TCERG1: variants seen among roughly 807,000 people sequenced by gnomAD.
The protein encoded by TCERG1 is transcription elongation regulator 1, also known as TATA box binding protein (TBP)-associated factor, RNA polymerase II, S, 150kD.
In TCERG1, 37 loss-of-function variants were observed where a neutral mutation model predicts 144.7. That is an observed-to-expected ratio of 0.26 (90% CI 0.20 to 0.34). The LOEUF (loss-of-function observed/expected upper bound fraction) is 0.34. Among genes scored for constraint, TCERG1 ranks in the 10% least tolerant of loss-of-function variants. The pLI is 1.00. For missense variants in TCERG1, 1,027 were observed against 1,380.7 expected (o/e 0.74, Z 4.06); for synonymous variants, 492 against 458.2 (o/e 1.07, Z -0.94).
intron 15 of TCERG1, among the ~76,000 whole-genome samples, chr5:146,488,483 A>G (rs1766071645): frequency 6.6e-6 from 1 of 152,214 alleles, no homozygotes; most frequent in African/African-American, 2.4e-5. Context: ...AAAATGCTCA[A>G]CATCACTAAT....
At position 146,503,356 on chromosome 5, in the gene TCERG1, T is replaced by TTA. The variant is rs1767656505; in HGVS notation, c.2434-19_2434-18insTA. The TTA allele has an allele frequency of 6.2e-7, 1 of 1,607,734 alleles. No homozygotes were observed. The highest frequency in any genetic ancestry group is 1.7e-5 in the Admixed American group (1 of 59,702). On this transcript the variant is annotated intron_variant, in intron 17 of 22. Coordinates refer to ENST00000679501, the MANE Select transcript of TCERG1 (RefSeq NM_001382548.1). ...TACATTATTTTCCCTCCCATCCCAC[T>TTA]ACCTGTTTTAAAATACAGATTAAAT...
At chr5:146,504,668 T>C (rs1767780229) in intron 19 of TCERG1, among the ~76,000 whole-genome samples, 1 of 152,238 alleles carries the variant, frequency 6.6e-6, no homozygotes, top group Non-Finnish European at 1.5e-5. Context: ...CCCTTGCATC[T>C]GTTTCTTACT....
At chr5:146,451,775 T>TG (rs1445578926) in intron 1 of TCERG1, among the ~76,000 whole-genome samples, 2 of 145,022 alleles carry the variant, frequency 1.4e-5, no homozygotes, top group East Asian at 2.0e-4. Context: ...GCAAATTAGT[T>TG]TTTTTTTTTT....
intron 15 of TCERG1, among the ~76,000 whole-genome samples, chr5:146,491,745 A>T (rs1285155724): frequency 6.6e-6 from 1 of 152,156 alleles, no homozygotes; most frequent in Non-Finnish European, 1.5e-5. Context: ...GCAGGCAGTC[A>T]GCAAATTTTT....
intron 5 of TCERG1, among the ~76,000 whole-genome samples, chr5:146,465,719 G>A (rs888314538): frequency 1.3e-5 from 2 of 152,092 alleles, no homozygotes; most frequent in Non-Finnish European, 2.9e-5. Context: ...TTTCTTTGGA[G>A]AGAGTGAGTG....
chr5:146,479,387 A>T lies in TCERG1; in HGVS notation c.1763-468A>T, dbSNP rs147073255. 1.3e-3 allele frequency among the ~76,000 whole-genome samples: 196 copies of T among 152,282 alleles called. 1 individual carries two copies. The highest frequency in any genetic ancestry group is 4.5e-3 in the African/African-American group (187 of 41,564). ...TATGCTGAATTATAAGTAATTTCTG[A>T]GTCAGTGCCGCTTTGCCTATCTAGT... On this transcript the variant is annotated intron_variant, in intron 10 of 22. Transcript: ENST00000679501.
In TCERG1 at chr5:146,509,208, A is replaced by G; in HGVS notation, c.3109A>G (p.Arg1037Gly). The G allele has an allele frequency of 6.2e-7, 1 of 1,610,074 alleles. No homozygotes were observed. Among genetic ancestry groups the G allele is most frequent in the Non-Finnish European group, 8.5e-7 (1 of 1,178,546 alleles). ...ATATATCACAGCCAAAGCTGACTTC[A>G]GGACGCTTTTGAAAGAGACCAAATT... ...DKYITAKADF[R>G]TLLKETKFIT... The change falls in exon 22 of 23, where the codon AGG (arginine) becomes GGG (glycine). Residue 1037 changes from arginine to glycine, a missense_variant. Around this residue, in one of 6 missense-constraint regions of TCERG1, gnomAD observed 133 missense variants for 283.2 expected, o/e 0.47. Coordinates refer to ENST00000679501, the MANE Select transcript of TCERG1 (RefSeq NM_001382548.1).
At position 146,469,573 on chromosome 5, in the gene TCERG1, G is replaced by A. The variant is rs746010475; in HGVS notation, c.1228G>A (p.Val410Ile). 20 of 1,608,924 alleles carry A rather than the reference G, an allele frequency of 1.2e-5. No individual in the cohort carries two copies. Among genetic ancestry groups the A allele is most frequent in the South Asian group, 2.2e-5 (2 of 90,152 alleles). Residue 410 changes from valine (V) to isoleucine (I), a missense_variant, in exon 7 of 23, where the codon GTA becomes ATA. By Grantham distance (29) the Val-to-Ile change is conservative (BLOSUM62 3). Around this residue, in one of 6 missense-constraint regions of TCERG1, gnomAD observed 482 missense variants for 632.6 expected, o/e 0.76. Transcript: ENST00000679501. ...GVLPGMAPPI[V>I]PMIHPQVAIA... ...ATTGCCAGGAATGGCCCCTCCTATCGTACCCATGATACATCCCCAGGTTGC... is the reference window on the plus strand; with the variant it reads ...ATTGCCAGGAATGGCCCCTCCTATCATACCCATGATACATCCCCAGGTTGC...
chr5:146,449,230 T>C (rs1162613078), intron 1 of TCERG1, among the ~76,000 whole-genome samples: 1 of 152,208 alleles, frequency 6.6e-6, no homozygotes, highest in Admixed American at 6.5e-5. Flanking sequence ...TCTGTAGTTA[T>C]GTTGTAAATA....
At position 146,507,828 on chromosome 5, in the gene TCERG1, TA is replaced by T. The variant is rs747386636; in HGVS notation, c.2962-41del. On this transcript the variant is annotated intron_variant, in intron 20 of 22. Coordinates refer to ENST00000679501, the MANE Select transcript of TCERG1 (RefSeq NM_001382548.1). The surrounding 1 kb of genome is among the most constrained non-coding windows in gnomAD (Gnocchi z 4.6). ...ATGTGCTGCAGTTTGACTCCCTAAG[TA>T]AAAGTGAGTTGTATTTATGTTTTTT... 1.4e-6 allele frequency: 2 copies of T among 1,411,526 alleles called. No individual in the cohort carries two copies. The highest frequency in any genetic ancestry group is 1.4e-5 in the African/African-American group (1 of 70,380). The allele number at this position is 1,411,526 out of a possible 1,614,324, so 87.4% of individuals were successfully genotyped here.
chr5:146,481,476 G>GGTC, intron 13 of TCERG1: 1 of 152,262 alleles, frequency 6.6e-6, no homozygotes, highest in Middle Eastern at 3.4e-3. Context: ...AGTTCCTGCA[G>GGTC]GTCACGGACT....
intron 5 of TCERG1, 103 bp from the exon 6 acceptor site, chr5:146,468,238 A>G: frequency 1.1e-6 from 1 of 935,164 alleles, no homozygotes; most frequent in Non-Finnish European, 1.5e-6. Flanking sequence ...TTTCATTGGA[A>G]ATAGCATTCT....
intron 9 of TCERG1, among the ~76,000 whole-genome samples, chr5:146,472,650 A>G (rs1020887280): frequency 1.3e-5 from 2 of 152,066 alleles, no homozygotes; most frequent in East Asian, 1.9e-4. Context: ...TAGTAGCCCT[A>G]TAATGCCCTC....
chr5:146,461,019 T>C (rs1414589198), intron 4 of TCERG1, among the ~76,000 whole-genome samples: 1 of 152,172 alleles, frequency 6.6e-6, no homozygotes, highest in Non-Finnish European at 1.5e-5. Context: ...ACATTTTCTT[T>C]CCTGCGTTCT....
chr5:146,461,073 T>C (rs2150292868), intron 4 of TCERG1, among the ~76,000 whole-genome samples: 1 of 152,278 alleles, frequency 6.6e-6, no homozygotes, highest in South Asian at 2.1e-4. Flanking sequence ...TTAGGAAAGG[T>C]GATGAGCTAG....
Position 146,507,768 on chromosome 5 carries a change from A to C in TCERG1, c.2962-105A>C. ...AGTCCAGTTACGCTTGGGCATTACA[A>C]GAGATCGCAGGTCAGTGTGTAATAT... On this transcript the variant is annotated intron_variant, in intron 20 of 22. Coordinates refer to ENST00000679501, the MANE Select transcript of TCERG1 (RefSeq NM_001382548.1). The surrounding 1 kb of genome is among the most constrained non-coding windows in gnomAD (Gnocchi z 4.6). 6.0e-6 allele frequency: 4 copies of C among 668,838 alleles called. No homozygotes were observed. Among genetic ancestry groups the C allele is most frequent in the Non-Finnish European group, 9.8e-6 (4 of 409,064 alleles). 41.4% of individuals were successfully genotyped at this position (668,838 alleles called of 1,614,324 possible). A position where few individuals can be genotyped will look rare whatever the true frequency, so the allele number is the denominator to read the frequency against.
chr5:146,481,473 G>T (rs1765360435), intron 13 of TCERG1: 1 of 152,138 alleles, frequency 6.6e-6, no homozygotes, highest in African/African-American at 2.4e-5. Context: ...CTAAGTTCCT[G>T]CAGGTCACGG....
Position 146,482,530 on chromosome 5 carries a change from T to G in TCERG1, c.1938-62T>G, listed in dbSNP as rs535631907. ...TTGAAAATTCCTTTGATTTTAAGAT[T>G]TCTAATAAGATCTGAGAATTAATAT... On this transcript the variant is annotated intron_variant, in intron 13 of 22. Coordinates refer to ENST00000679501, the MANE Select transcript of TCERG1 (RefSeq NM_001382548.1). The G allele has an allele frequency of 1.8e-5, 26 of 1,480,228 alleles. No homozygotes were observed. In the South Asian group the frequency reaches 3.5e-4, roughly 20 times the overall value. 91.7% of individuals were successfully genotyped at this position (1,480,228 alleles called of 1,614,324 possible). A position where few individuals can be genotyped will look rare whatever the true frequency, so the allele number is the denominator to read the frequency against.
chr5:146,496,597 T>C (rs763738751), intron 16 of TCERG1, among the ~76,000 whole-genome samples: 1 of 152,170 alleles, frequency 6.6e-6, no homozygotes, highest in Non-Finnish European at 1.5e-5. Context: ...ACTCCTTATT[T>C]GTTCATTCAT....
Sources: gnomAD v4.1 joint callset for allele counts (sites outside exome capture counted in the v4.1 genomes callset) on GRCh38, gnomAD v4.1.1 for gene constraint, gnomAD v4.1.1 regional missense constraint, Gnocchi (gnomAD v3.1) non-coding constraint, MANE v1.5 for transcripts, NCBI Gene and HGNC (gene_info 2026-07-23, HGNC 2026-07-21) for gene names.